Variants in AP3B1 observed in about 807,000 individuals in gnomAD.
The protein encoded by AP3B1 is AP-3 complex subunit beta-1.
In AP3B1, 61 loss-of-function variants were observed where a neutral mutation model predicts 132.5. That is an observed-to-expected ratio of 0.46 (90% CI 0.37 to 0.57). The LOEUF (loss-of-function observed/expected upper bound fraction) is 0.57, where lower values mean the gene tolerates loss of function less well. Ranked by LOEUF, AP3B1 falls within the 20% of genes least tolerant of loss-of-function variation. The pLI is 0.00. For synonymous variants in AP3B1, 388 were observed against 438.3 expected, an observed-to-expected ratio of 0.89 and a Z score of 1.43; for missense variants, 1,120 against 1,289.4, an observed-to-expected ratio of 0.87 and a Z score of 2.01.
At chr5:78,220,158 C>A in intron 6 of AP3B1, among the ~76,000 whole-genome samples, 1 of 151,984 alleles carries the variant, frequency 6.6e-6, no homozygotes, top group East Asian at 1.9e-4. Context: ...ATATGATCCA[C>A]AAATATCTGT....
chr5:78,176,680 T>C (rs1052728335), intron 9 of AP3B1, among the ~76,000 whole-genome samples: 2 of 152,198 alleles, frequency 1.3e-5, no homozygotes, highest in African/African-American at 4.8e-5. Context: ...GATTCTCATG[T>C]TATATGTCAT....
chr5:78,290,703 C>T (rs1001273017), intron 1 of AP3B1, among the ~76,000 whole-genome samples: 1 of 152,086 alleles, frequency 6.6e-6, no homozygotes, highest in Non-Finnish European at 1.5e-5. Context: ...AATTCCAGCA[C>T]CTTGGGAGGA....
At chr5:78,166,165 A>ATTGT (rs1743620727) in intron 11 of AP3B1, among the ~76,000 whole-genome samples, 1 of 99,548 alleles carries the variant, frequency 1.0e-5, no homozygotes, top group Non-Finnish European at 2.3e-5. Flanking sequence ...ACACACACAC[A>ATTGT]CACACACAAA....
At chr5:78,123,443 A>C (rs1443948997) in intron 17 of AP3B1, among the ~76,000 whole-genome samples, 1 of 152,050 alleles carries the variant, frequency 6.6e-6, no homozygotes, top group Non-Finnish European at 1.5e-5. Flanking sequence ...TTTGCAACCT[A>C]CTCATCTGAC....
rs55844096 is a variant in AP3B1, at chr5:78,039,863, AT to A, written c.2578-590del. Among the ~76,000 whole-genome samples, 905 of 135,080 alleles carry A rather than the reference AT, an allele frequency of 6.7e-3. 6 individuals are homozygous for A. Among genetic ancestry groups the A allele is most frequent in the East Asian group, 0.03 (144 of 4,744 alleles). 88.6% of individuals were successfully genotyped at this position (135,080 alleles called of 152,430 possible). On this transcript the variant is annotated intron_variant, in intron 22 of 26. Coordinates refer to ENST00000255194, the MANE Select transcript of AP3B1 (RefSeq NM_003664.5). ...ATATATTAATATTACAAACATACTC[AT>A]TTTTTTTTTTTTTGCTGGGGGGCAG...
At chr5:78,288,855 T>A (rs903530254) in intron 1 of AP3B1, among the ~76,000 whole-genome samples, 2 of 149,394 alleles carry the variant, frequency 1.3e-5, no homozygotes, top group African/African-American at 4.9e-5. Context: ...AAATACACAA[T>A]GAGATAAAGT....
intron 22 of AP3B1, chr5:78,087,453 C>T (rs747297789): frequency 1.2e-5 from 10 of 837,382 alleles, no homozygotes; most frequent in Non-Finnish European, 1.4e-5. Context: ...TCTACACGTT[C>T]CATTTTTCAG....
At chr5:78,116,057 C>T (rs1327112253) in intron 18 of AP3B1, 69 bp downstream of exon 18, 3 of 1,134,312 alleles carry the variant, frequency 2.6e-6, no homozygotes, top group East Asian at 2.4e-5. Context: ...ATGGATTAGG[C>T]CTTGTTTCTG....
intron 7 of AP3B1, among the ~76,000 whole-genome samples, chr5:78,207,276 A>T (rs1222529745): frequency 6.6e-6 from 1 of 151,292 alleles, no homozygotes; most frequent in Non-Finnish European, 1.5e-5. Context: ...AAAAAAAAAA[A>T]AATTATCAAG....
intron 1 of AP3B1, among the ~76,000 whole-genome samples, chr5:78,284,511 C>T (rs1749190773): frequency 6.6e-6 from 1 of 152,116 alleles, no homozygotes; most frequent in Non-Finnish European, 1.5e-5. Flanking sequence ...TACAATTTGT[C>T]CTAAAAGGAC....
chr5:78,285,750 T>C (rs761863362), intron 1 of AP3B1, among the ~76,000 whole-genome samples: 2 of 152,240 alleles, frequency 1.3e-5, no homozygotes, highest in Non-Finnish European at 2.9e-5. Flanking sequence ...CAAAAAACTT[T>C]GTATCCACCC....
intron 7 of AP3B1, among the ~76,000 whole-genome samples, chr5:78,188,677 C>G (rs1744703377): frequency 6.6e-6 from 1 of 152,076 alleles, no homozygotes; most frequent in Non-Finnish European, 1.5e-5. Flanking sequence ...GCTGATTCCT[C>G]AAAGATTTAG....
rs1400722484 is a variant in AP3B1 at position 78,294,484 on chromosome 5, C to T, written c.96G>A (p.Gly32=). ...AATCGCTGCTAAAGAGGCCGAAGGC[C>T]CCCGAGGGGGAAATGGTTGAGGTCG... is the stretch of plus-strand genomic sequence containing the variant. ...QEATSTISPS[G]AFGLFSSDLK... The change falls in exon 1 of 27, where the codon GGG becomes GGA. Residue 32 remains glycine (G), a synonymous_variant. Transcript: ENST00000255194. 1 of 1,614,252 alleles carries T rather than the reference C, an allele frequency of 6.2e-7. No individual in the cohort carries two copies. Among genetic ancestry groups the T allele is most frequent in the East Asian group, 2.2e-5 (1 of 44,882 alleles).
At chr5:78,051,971 C>T (rs188412927) in intron 22 of AP3B1, among the ~76,000 whole-genome samples, 2 of 151,364 alleles carry the variant, frequency 1.3e-5, no homozygotes, top group African/African-American at 4.9e-5. Flanking sequence ...TACCTTCAAT[C>T]CATTTCATTG....
At chr5:78,245,437 G>A (rs1279638695) in intron 2 of AP3B1, among the ~76,000 whole-genome samples, 5 of 152,208 alleles carry the variant, frequency 3.3e-5, no homozygotes, top group South Asian at 2.1e-4. Flanking sequence ...ATAAGAAAGC[G>A]GGTCTCCCTC....
intron 2 of AP3B1, among the ~76,000 whole-genome samples, chr5:78,255,395 A>G (rs1184756428): frequency 6.6e-6 from 1 of 152,126 alleles, no homozygotes; most frequent in Admixed American, 6.5e-5. Flanking sequence ...AAACAAAGGT[A>G]TGGAAAATGA....
At chr5:78,171,557 G>A (rs761875979) in intron 11 of AP3B1, among the ~76,000 whole-genome samples, 6 of 152,128 alleles carry the variant, frequency 3.9e-5, no homozygotes, top group Non-Finnish European at 5.9e-5. Flanking sequence ...TGGTCTATAG[G>A]AATGCTTCTG....
At chr5:78,080,897 G>C (rs975165500) in intron 22 of AP3B1, among the ~76,000 whole-genome samples, 2 of 152,122 alleles carry the variant, frequency 1.3e-5, no homozygotes, top group African/African-American at 4.8e-5. Context: ...GCTAAACAAT[G>C]GTTTCACCAA....
intron 1 of AP3B1, among the ~76,000 whole-genome samples, chr5:78,290,733 G>A (rs1275269724): frequency 6.6e-6 from 1 of 152,128 alleles, no homozygotes; most frequent in Non-Finnish European, 1.5e-5. Flanking sequence ...CGGATTGCTT[G>A]AGCCTAGGAG....
Sources: allele counts gnomAD v4.1 joint callset (sites outside exome capture counted in the v4.1 genomes callset), GRCh38; gene constraint gnomAD v4.1.1; transcripts MANE v1.5; gene names NCBI Gene and HGNC (gene_info 2026-07-23, HGNC 2026-07-21).